Variants in DHRS3 observed in about 807,000 individuals in gnomAD.
The protein encoded by DHRS3 is short-chain dehydrogenase/reductase 3.
Under a neutral mutation model 27.2 loss-of-function variants are expected in DHRS3, and 14 were observed. The ratio of observed to expected loss-of-function variants is 0.52; its 90% CI spans 0.34 to 0.81. DHRS3 has a LOEUF of 0.81. DHRS3 is among the 30% of genes least tolerant of loss of function. DHRS3 has a pLI of 0.01. For synonymous variants in DHRS3, 165 were observed against 175.9 expected (o/e 0.94, Z 0.49); for missense variants, 322 against 406.2 (o/e 0.79, Z 1.78).
chr1:12,588,165 T>A (rs1378776408), intron 1 of DHRS3, among the ~76,000 whole-genome samples: 1 of 152,218 alleles, frequency 6.6e-6, no homozygotes, highest in East Asian at 1.9e-4. Context: ...ACTTATGGAC[T>A]CCTATTCAAC....
chr1:12,585,911 G>T (rs533213533), intron 1 of DHRS3, among the ~76,000 whole-genome samples: 1 of 152,354 alleles, frequency 6.6e-6, no homozygotes, highest in East Asian at 1.9e-4. Context: ...GTGAACTCGG[G>T]ACAGGCAGCA....
intron 1 of DHRS3, among the ~76,000 whole-genome samples, chr1:12,600,828 C>A (rs140995541): frequency 6.6e-6 from 1 of 152,278 alleles, no homozygotes; most frequent in Non-Finnish European, 1.5e-5. Flanking sequence ...CTCTATCTAT[C>A]GTCTAGAAAA....
chr1:12,574,591 G>A lies in DHRS3; in HGVS notation c.699-1738C>T, dbSNP rs943269506. Among the ~76,000 whole-genome samples the A allele has an allele frequency of 4.6e-5, 7 of 152,160 alleles. No individual in the cohort carries two copies. The highest frequency in any genetic ancestry group is 1.9e-4 in the East Asian group (1 of 5,184). ...CTGGAGTCCTACAGGTGTCGTGGGC[G>A]GTCTGGATTCTCTGGCTTCCACCTG... is the stretch of plus-strand genomic sequence containing the variant. On this transcript the variant is annotated intron_variant, in intron 4 of 5. Transcript: ENST00000616661. The surrounding 1 kb of genome is among the most constrained non-coding windows in gnomAD (Gnocchi z 4.6).
At position 12,618,058 on chromosome 1, in the gene DHRS3, C is replaced by T. The variant is rs938846788; in HGVS notation, c.-710G>A. On this transcript the variant is annotated 5_prime_UTR_variant, in exon 1 of 6. Transcript: ENST00000616661. This position sits in a 1 kb window ranked among gnomAD's most constrained non-coding sequence, Gnocchi z 4.2. ...CAGCGCTCGCCCTCGCGCGCGCTCG[C>T]TCGCTCCGGCTCCCTCCCTCCCTCT... Among the ~76,000 whole-genome samples the T allele has an allele frequency of 2.6e-5, 4 of 152,014 alleles. No individual in the cohort carries two copies. The highest frequency in any genetic ancestry group is 4.4e-5 in the Non-Finnish European group (3 of 67,996).
intron 1 of DHRS3, among the ~76,000 whole-genome samples, chr1:12,600,702 TGCTCCCCTGCCCGCA>T (rs1418554959): frequency 6.6e-6 from 1 of 152,206 alleles, no homozygotes; most frequent in Non-Finnish European, 1.5e-5. Flanking sequence ...ATCTCTGTTC[TGCTCCCCTGCCCGCA>T]GCTGGAGGGG....
At chr1:12,582,296 C>T (rs925976613) in intron 1 of DHRS3, among the ~76,000 whole-genome samples, 2 of 152,150 alleles carry the variant, frequency 1.3e-5, no homozygotes, top group African/African-American at 4.8e-5. Flanking sequence ...CGGTATTCTC[C>T]AATGGAATCG....
At chr1:12,602,885 C>G (rs1403751910) in intron 1 of DHRS3, among the ~76,000 whole-genome samples, 1 of 152,268 alleles carries the variant, frequency 6.6e-6, no homozygotes, top group Non-Finnish European at 1.5e-5. Flanking sequence ...CCTCTACCGC[C>G]CAAAAGATTT....
In DHRS3 at chr1:12,592,196, C is replaced by G. The variant is rs1340950583; in HGVS notation, c.196-11530G>C. ...CCTTTACTGCAGGCTGGATCCTGCT[C>G]TGGGCTCTTAGACTGAATCCTCTCG... On this transcript the variant is annotated intron_variant, in intron 1 of 5. Coordinates refer to ENST00000616661, the MANE Select transcript of DHRS3 (RefSeq NM_004753.7). This position sits in a 1 kb window ranked among gnomAD's most constrained non-coding sequence, Gnocchi z 4.2. Among the ~76,000 whole-genome samples, 1 of 152,220 alleles carries G rather than the reference C, an allele frequency of 6.6e-6. No individual in the cohort carries two copies. The highest frequency in any genetic ancestry group is 1.5e-5 in the Non-Finnish European group (1 of 68,040).
At chr1:12,598,063 C>G (rs1450916000) in intron 1 of DHRS3, among the ~76,000 whole-genome samples, 2 of 152,234 alleles carry the variant, frequency 1.3e-5, no homozygotes, top group Non-Finnish European at 2.9e-5. Context: ...GAACGTATCA[C>G]ACATCCCCAG....
intron 1 of DHRS3, among the ~76,000 whole-genome samples, chr1:12,605,516 T>C (rs1039037812): frequency 2.0e-5 from 3 of 152,348 alleles, no homozygotes; most frequent in Admixed American, 1.3e-4. Context: ...GTGCCATGTA[T>C]ATTCCTACAT....
At chr1:12,577,428 A>T (rs1434104467) in intron 4 of DHRS3, among the ~76,000 whole-genome samples, 1 of 152,178 alleles carries the variant, frequency 6.6e-6, no homozygotes, top group Non-Finnish European at 1.5e-5. Context: ...GCTATGAGGG[A>T]GTCACCACCC....
Position 12,592,248 on chromosome 1 carries a change from GA to G in DHRS3, c.196-11583del, listed in dbSNP as rs886829029. Among the ~76,000 whole-genome samples the G allele has an allele frequency of 9.2e-5, 14 of 152,292 alleles. No individual in the cohort carries two copies. The highest frequency in any genetic ancestry group is 3.4e-4 in the African/African-American group (14 of 41,552). On this transcript the variant is annotated intron_variant, in intron 1 of 5. Transcript: ENST00000616661. The surrounding 1 kb of genome is among the most constrained non-coding windows in gnomAD (Gnocchi z 4.2). ...CTGCCCGGATGTGGTACAGTCGGCT[GA>G]TTAGTGTCCCCTGAGAAGCTGAGTC... is the stretch of plus-strand genomic sequence containing the variant.
In DHRS3 at chr1:12,617,430, A is replaced by G; in HGVS notation, c.-82T>C. The G allele has an allele frequency of 2.1e-6, 3 of 1,442,642 alleles. No individual in the cohort carries two copies. The highest frequency in any genetic ancestry group is 2.8e-6 in the Non-Finnish European group (3 of 1,067,898). The allele number at this position is 1,442,642 out of a possible 1,614,324, so 89.4% of individuals were successfully genotyped here. ...AATTAAAAAACACCCCGAACAATAA[A>G]TAGTAAACCGAATAAGGAGGAGAGA... On this transcript the variant is annotated 5_prime_UTR_variant, in exon 1 of 6. Transcript: ENST00000616661.
Position 12,568,175 on chromosome 1 carries a change from G to T in DHRS3, c.*165C>A. ...GGTCAGTTATACCCATCAGTCCTGT[G>T]CAAAGGTCCTGGGACTGGCCCAGGG... is the stretch of plus-strand genomic sequence containing the variant. On this transcript the variant is annotated 3_prime_UTR_variant, in exon 6 of 6. Coordinates refer to ENST00000616661, the MANE Select transcript of DHRS3 (RefSeq NM_004753.7). 1.5e-6 allele frequency: 1 copy of T among 651,210 alleles called. No individual in the cohort carries two copies. The highest frequency in any genetic ancestry group is 2.7e-6 in the Non-Finnish European group (1 of 365,784). 40.3% of individuals were successfully genotyped at this position (651,210 alleles called of 1,614,324 possible). A position where few individuals can be genotyped will look rare whatever the true frequency, so the allele number is the denominator to read the frequency against.
chr1:12,590,519 A>G (rs1300499649), intron 1 of DHRS3, among the ~76,000 whole-genome samples: 1 of 152,130 alleles, frequency 6.6e-6, no homozygotes, highest in African/African-American at 2.4e-5. Flanking sequence ...CATGTTGGCC[A>G]AGCTGGTCTC....
intron 1 of DHRS3, among the ~76,000 whole-genome samples, chr1:12,580,963 C>A (rs1646639019): frequency 6.6e-6 from 1 of 152,046 alleles, no homozygotes; most frequent in Admixed American, 6.6e-5. Flanking sequence ...GCTGGGACCA[C>A]AGGTGCATGC....
chr1:12,617,908 A>G lies in DHRS3; in HGVS notation c.-560T>C, dbSNP rs1646956936. Among the ~76,000 whole-genome samples, 1 of 139,676 alleles carries G rather than the reference A, an allele frequency of 7.2e-6. No homozygotes were observed. The highest frequency in any genetic ancestry group is 1.5e-5 in the Non-Finnish European group (1 of 66,284). 91.6% of individuals were successfully genotyped at this position (139,676 alleles called of 152,430 possible). ...GGGGAAAAAGTGCTTGGAGCTCCCA[A>G]TTTCAGCCCGCGAAAGTCTCCCGAC... is the stretch of plus-strand genomic sequence containing the variant. On this transcript the variant is annotated 5_prime_UTR_variant, in exon 1 of 6. Transcript: ENST00000616661.
At chr1:12,600,423 C>T (rs1162863564) in intron 1 of DHRS3, 9 of 983,980 alleles carry the variant, frequency 9.1e-6, no homozygotes, top group Non-Finnish European at 3.6e-6. Flanking sequence ...GGGAAGTGGC[C>T]CGGAGAGGCC....
intron 4 of DHRS3, among the ~76,000 whole-genome samples, chr1:12,577,556 G>A (rs1364117196): frequency 6.6e-6 from 1 of 152,156 alleles, no homozygotes; most frequent in Non-Finnish European, 1.5e-5. Context: ...CAGGCGTGGT[G>A]GCTCACACCT....
Sources: gnomAD v4.1 joint callset for allele counts (sites outside exome capture counted in the v4.1 genomes callset) on GRCh38, gnomAD v4.1.1 for gene constraint, Gnocchi (gnomAD v3.1) non-coding constraint, MANE v1.5 for transcripts, NCBI Gene and HGNC (gene_info 2026-07-23, HGNC 2026-07-21) for gene names.